Variants in PFKFB3 observed in about 807,000 individuals in gnomAD.
The protein encoded by PFKFB3 is 6-phosphofructo-2-kinase/fructose-2,6-bisphosphatase 3.
PFKFB3 carries 33 observed loss-of-function variants against 68.0 expected under a neutral mutation model. That is an observed-to-expected ratio of 0.49 (90% CI 0.37 to 0.65). The LOEUF is 0.65. Ranked by LOEUF, PFKFB3 falls within the 30% of genes least tolerant of loss-of-function variation. The probability of loss-of-function intolerance (pLI) is 0.00; values close to 1 mark genes in which losing one functional copy is unlikely to be tolerated. For missense variants in PFKFB3, 586 were observed against 712.2 expected, an observed-to-expected ratio of 0.82 and a Z score of 2.02; for synonymous variants, 315 against 288.2, an observed-to-expected ratio of 1.09 and a Z score of -0.94.
the PFKFB3 span, chr10:6,293,774 T>C: frequency 5.4e-6 from 2 of 370,950 alleles, no homozygotes; most frequent in Non-Finnish European, 1.1e-5. Flanking sequence ...TTGAGCACCT[T>C]GTGCACTTTA....
In PFKFB3 at chr10:6,247,088, A is replaced by G. The variant is rs572516571; in HGVS notation, c.1516-7090A>G. ...AGGGCAACATTGGCTTCATTCATTC[A>G]CTGGAAGCAGAAGCAAGATGTCTAA... On this transcript the variant is annotated intron_variant, in intron 14 of 14. Transcript: ENST00000640683. 2.1e-3 allele frequency among the ~76,000 whole-genome samples: 316 copies of G among 152,326 alleles called. 1 individual carries two copies. The highest frequency in any genetic ancestry group is 7.3e-3 in the African/African-American group (302 of 41,576).
At chr10:6,254,264 G>T (rs532746153) in exon 15 of PFKFB3, 2 of 398,486 alleles carry the variant, frequency 5.0e-6, no homozygotes, top group African/African-American at 4.1e-5. Flanking sequence ...TACCCAGAGA[G>T]GTGACCGTGG....
the PFKFB3 span, among the ~76,000 whole-genome samples, chr10:6,315,293 G>A: frequency 1.3e-5 from 2 of 152,178 alleles, no homozygotes; most frequent in Non-Finnish European, 2.9e-5. Context: ...ACAGAAAAAG[G>A]TCCAGATCCA....
the PFKFB3 span, among the ~76,000 whole-genome samples, chr10:6,324,072 T>G: frequency 6.6e-6 from 1 of 152,168 alleles, no homozygotes; most frequent in South Asian, 2.1e-4. Context: ...TGTCCATGGA[T>G]AGACAAAGGG....
chr10:6,147,827 C>T (rs1190208906), intron 1 of PFKFB3, among the ~76,000 whole-genome samples: 2 of 150,710 alleles, frequency 1.3e-5, no homozygotes, highest in Admixed American at 1.3e-4. Context: ...TGGGGTGGTC[C>T]ATACAGGGGA....
chr10:6,151,921 C>G (rs1289851248), intron 1 of PFKFB3, among the ~76,000 whole-genome samples: 1 of 151,760 alleles, frequency 6.6e-6, no homozygotes, highest in Non-Finnish European at 1.5e-5. Flanking sequence ...AGGACAGAAC[C>G]GCCCTCCTGC....
chr10:6,282,955 C>A, the PFKFB3 span, among the ~76,000 whole-genome samples: 1 of 152,138 alleles, frequency 6.6e-6, no homozygotes, highest in Non-Finnish European at 1.5e-5. Flanking sequence ...TATTTTCCTG[C>A]TGTGCTAGTT....
At chr10:6,164,607 C>G (rs1351715325) in intron 1 of PFKFB3, among the ~76,000 whole-genome samples, 1 of 151,964 alleles carries the variant, frequency 6.6e-6, no homozygotes, top group African/African-American at 2.4e-5. Context: ...ACTCAGCATA[C>G]GAAGGACCCG....
In PFKFB3 at chr10:6,228,030, G is replaced by A. The variant is rs985002055; in HGVS notation, c.1515+1665G>A. On this transcript the variant is annotated intron_variant, in intron 14 of 14. Transcript: ENST00000379775. The surrounding 1 kb of genome is among the most constrained non-coding windows in gnomAD (Gnocchi z 4.5). ...TGGCAGGGGCTGCATCCTCCTGTCC[G>A]CTTCAGAGCTGCCCCTGGCGTTGGG... Among the ~76,000 whole-genome samples the A allele has an allele frequency of 2.6e-5, 4 of 152,150 alleles. No homozygotes were observed. The highest frequency in any genetic ancestry group is 7.2e-5 in the African/African-American group (3 of 41,430).
chr10:6,264,499 G>A, the PFKFB3 span, among the ~76,000 whole-genome samples: 2 of 151,982 alleles, frequency 1.3e-5, no homozygotes, highest in East Asian at 1.9e-4. Context: ...TATATTTAGG[G>A]TTTTTTGTTT....
intron 1 of PFKFB3, chr10:6,146,385 G>A (rs1564580456): frequency 6.5e-7 from 1 of 1,535,494 alleles, no homozygotes; most frequent in Non-Finnish European, 8.7e-7. Flanking sequence ...AGAGATGGGG[G>A]AGGGTGGCCA....
chr10:6,287,024 G>A, the PFKFB3 span, among the ~76,000 whole-genome samples: 1 of 152,286 alleles, frequency 6.6e-6, no homozygotes, highest in African/African-American at 2.4e-5. Flanking sequence ...GTATAATGAT[G>A]TTTCAGTCAA....
chr10:6,213,852 C>A, intron 2 of PFKFB3, 104 bp downstream of exon 2: 1 of 1,284,142 alleles, frequency 7.8e-7, no homozygotes, highest in Non-Finnish European at 1.1e-6. Context: ...GCCTCTGTCC[C>A]CTGGTCGGGG....
chr10:6,287,664 A>C, the PFKFB3 span, among the ~76,000 whole-genome samples: 1 of 152,080 alleles, frequency 6.6e-6, no homozygotes, highest in Non-Finnish European at 1.5e-5. Context: ...CCATTAAGTG[A>C]CACCTGACTG....
intron 1 of PFKFB3, chr10:6,145,097 C>A: frequency 2.7e-6 from 3 of 1,128,800 alleles, no homozygotes; most frequent in Non-Finnish European, 3.4e-6. Context: ...GCCTTGGGTC[C>A]TCGCCAGGCG....
chr10:6,233,252 T>TC lies in PFKFB3; in HGVS notation c.*312dup. The TC allele has an allele frequency of 5.7e-6, 2 of 352,392 alleles. No homozygotes were observed. Among genetic ancestry groups the TC allele is most frequent in the Admixed American group, 4.3e-5 (1 of 23,092 alleles). 21.8% of individuals were successfully genotyped at this position (352,392 alleles called of 1,614,324 possible). A position where few individuals can be genotyped will look rare whatever the true frequency, so the allele number is the denominator to read the frequency against. ...GCCTTGGGAGGGTGATGAGTGCTGGTCCTGACAGGAGGCCGCTGGGGACAC... is the reference window on the plus strand; with the variant it reads ...GCCTTGGGAGGGTGATGAGTGCTGGTCCCTGACAGGAGGCCGCTGGGGACAC... On this transcript the variant is annotated 3_prime_UTR_variant, in exon 15 of 15. Transcript: ENST00000379775.
intron 1 of PFKFB3, among the ~76,000 whole-genome samples, chr10:6,171,141 G>A (rs1300352336): frequency 6.6e-6 from 1 of 152,022 alleles, no homozygotes; most frequent in African/African-American, 2.4e-5. Flanking sequence ...TCCGTCTCCC[G>A]GGTGCAAGTG....
intron 14 of PFKFB3, among the ~76,000 whole-genome samples, chr10:6,251,644 G>A (rs1846384029): frequency 1.3e-5 from 2 of 152,122 alleles, no homozygotes; most frequent in South Asian, 4.1e-4. Flanking sequence ...CAGAGAGGAG[G>A]GCAGTGTCAG....
At chr10:6,194,230 G>A (rs977926058) in intron 1 of PFKFB3, among the ~76,000 whole-genome samples, 1 of 78,332 alleles carries the variant, frequency 1.3e-5, no homozygotes, top group Non-Finnish European at 3.7e-5. Flanking sequence ...ATTCCTATTG[G>A]ATAAAAGCTT....
Sources: allele counts gnomAD v4.1 joint callset (sites outside exome capture counted in the v4.1 genomes callset), GRCh38; gene constraint gnomAD v4.1.1; non-coding constraint Gnocchi (gnomAD v3.1); transcripts MANE v1.5; gene names NCBI Gene and HGNC (gene_info 2026-07-23, HGNC 2026-07-21).